ADAMTSL3: variants seen among roughly 807,000 people sequenced by gnomAD.
ADAMTSL3 encodes ADAMTS like 3.
In ADAMTSL3, 128 loss-of-function variants were observed where a neutral mutation model predicts 201.7. The ratio of observed to expected loss-of-function variants is 0.63; its 90% CI spans 0.55 to 0.73. ADAMTSL3 has a LOEUF of 0.73. Among genes scored for constraint, ADAMTSL3 ranks in the 30% least tolerant of loss-of-function variants. The pLI, the probability that ADAMTSL3 is intolerant of heterozygous loss-of-function variation, is 0.00. For synonymous variants in ADAMTSL3, 738 were observed against 748.4 expected, an observed-to-expected ratio of 0.99 and a Z score of 0.23; for missense variants, 1,990 against 2,119.6, an observed-to-expected ratio of 0.94 and a Z score of 1.20.
intron 3 of ADAMTSL3, among the ~76,000 whole-genome samples, chr15:83,714,824 T>C (rs1393488471): frequency 4.1e-5 from 4 of 98,278 alleles, no homozygotes; most frequent in Admixed American, 1.3e-4. Flanking sequence ...CTTTCTTTCC[T>C]TCTCTCTCTC....
chr15:83,820,830 T>G (rs2063851532), intron 6 of ADAMTSL3, among the ~76,000 whole-genome samples: 1 of 152,124 alleles, frequency 6.6e-6, no homozygotes, highest in Non-Finnish European at 1.5e-5. Context: ...ATCCCAGCAC[T>G]TTGGGAGGCC....
At chr15:83,794,639 G>C (rs1025380167) in intron 4 of ADAMTSL3, among the ~76,000 whole-genome samples, 1 of 151,558 alleles carries the variant, frequency 6.6e-6, no homozygotes, top group East Asian at 2.0e-4. Flanking sequence ...GTAGTTGCTA[G>C]GTGTTAAGGA....
chr15:83,987,601 C>T (rs2067502729), intron 21 of ADAMTSL3, among the ~76,000 whole-genome samples: 1 of 152,106 alleles, frequency 6.6e-6, no homozygotes, highest in Non-Finnish European at 1.5e-5. Context: ...ACATTTGATC[C>T]AGGACTCAGT....
At chr15:83,707,256 T>A (rs964691362) in intron 3 of ADAMTSL3, among the ~76,000 whole-genome samples, 9 of 152,234 alleles carry the variant, frequency 5.9e-5, no homozygotes, top group African/African-American at 1.2e-4. Context: ...CTACCTTATG[T>A]AGGCGTTAAT....
At chr15:83,784,126 G>A (rs2063221803) in intron 4 of ADAMTSL3, among the ~76,000 whole-genome samples, 1 of 152,124 alleles carries the variant, frequency 6.6e-6, no homozygotes, top group African/African-American at 2.4e-5. Flanking sequence ...TCCTTCATTT[G>A]GAGATAGTTT....
intron 15 of ADAMTSL3, among the ~76,000 whole-genome samples, chr15:83,904,619 C>T (rs977524448): frequency 3.3e-5 from 5 of 152,124 alleles, no homozygotes; most frequent in African/African-American, 1.2e-4. Flanking sequence ...AAATCTAAGC[C>T]AAGGGAACTG....
At chr15:83,777,773 T>C (rs528208800) in intron 4 of ADAMTSL3, among the ~76,000 whole-genome samples, 9 of 152,232 alleles carry the variant, frequency 5.9e-5, no homozygotes, top group Non-Finnish European at 8.8e-5. Context: ...CAGGTTGAGA[T>C]GGATGAAGTG....
chr15:83,751,510 C>G (rs2062636239), intron 3 of ADAMTSL3, among the ~76,000 whole-genome samples: 1 of 152,038 alleles, frequency 6.6e-6, no homozygotes, highest in African/African-American at 2.4e-5. Flanking sequence ...AGGTGCAACA[C>G]CAAATATAAA....
At chr15:83,800,798 A>T (rs2063503919) in intron 4 of ADAMTSL3, among the ~76,000 whole-genome samples, 1 of 152,172 alleles carries the variant, frequency 6.6e-6, no homozygotes, top group African/African-American at 2.4e-5. Flanking sequence ...CTTTTTGGTT[A>T]TCACTTCCCT....
chr15:83,704,021 C>G (rs2585048), intron 2 of ADAMTSL3, among the ~76,000 whole-genome samples: 4 of 144,128 alleles, frequency 2.8e-5, no homozygotes, highest in Non-Finnish European at 6.0e-5. Flanking sequence ...AAAAAAAACA[C>G]AAAAGGAAGA....
rs780189229 is a variant in ADAMTSL3, at chr15:84,008,462, G to A, written c.3974-6080G>A. 4.6e-5 allele frequency among the ~76,000 whole-genome samples: 7 copies of A among 152,090 alleles called. No individual in the cohort carries two copies. The South Asian group carries it at 6.2e-4, about 14-fold the overall frequency. On this transcript the variant is annotated intron_variant, in intron 23 of 29. Transcript: ENST00000286744. ...TACACTAGCATTGGACAGTTGCTAC[G>A]CCCTCCTTCTCTGCTTTGAGGAAAC...
chr15:83,983,124 A>G lies in ADAMTSL3; in HGVS notation c.3496A>G (p.Asn1166Asp). The G allele has an allele frequency of 6.2e-7, 1 of 1,614,008 alleles. No individual in the cohort carries two copies. The highest frequency in any genetic ancestry group is 8.5e-7 in the Non-Finnish European group (1 of 1,179,948). Residue 1166 changes from asparagine (N) to aspartate (D), a missense_variant, in exon 21 of 30, where the codon AAC becomes GAC. Coordinates refer to ENST00000286744, the MANE Select transcript of ADAMTSL3 (RefSeq NM_207517.3). ...GSVSQSSHAK[N>D]SGKLTFKPKG... ...TGTGTCCCAAAGCTCGCATGCAAAA[A>G]ACTCAGGCAAGCTGACATTCAAGCC... is the stretch of plus-strand genomic sequence containing the variant.
At chr15:83,927,955 T>C (rs1043475617) in intron 17 of ADAMTSL3, among the ~76,000 whole-genome samples, 9 of 151,094 alleles carry the variant, frequency 6.0e-5, no homozygotes, top group Non-Finnish European at 1.2e-4. Context: ...AAATTGTGAC[T>C]ACAATTTGGC....
chr15:83,797,451 A>G (rs2063444573), intron 4 of ADAMTSL3, among the ~76,000 whole-genome samples: 1 of 152,004 alleles, frequency 6.6e-6, no homozygotes, highest in Admixed American at 6.5e-5. Flanking sequence ...AAATACAAAA[A>G]TTAGCCTGGT....
At chr15:83,929,747 CACAG>C (rs902662748) in intron 17 of ADAMTSL3, among the ~76,000 whole-genome samples, 22 of 150,940 alleles carry the variant, frequency 1.5e-4, no homozygotes, top group Admixed American at 5.9e-4. Flanking sequence ...CACACACACA[CACAG>C]AGAGACAGAG....
At chr15:83,705,985 T>A (rs9788762) in intron 3 of ADAMTSL3, among the ~76,000 whole-genome samples, 2 of 152,148 alleles carry the variant, frequency 1.3e-5, no homozygotes, top group African/African-American at 4.8e-5. Flanking sequence ...TATATTTGCA[T>A]TGTAGAGCCC....
intron 16 of ADAMTSL3, among the ~76,000 whole-genome samples, chr15:83,920,526 T>C (rs1034708904): frequency 6.6e-6 from 1 of 152,232 alleles, no homozygotes; most frequent in Admixed American, 6.5e-5. Context: ...CTTCACTCTT[T>C]TTCATTACTC....
At chr15:83,674,308 G>A (rs1259869892) in intron 2 of ADAMTSL3, among the ~76,000 whole-genome samples, 1 of 151,874 alleles carries the variant, frequency 6.6e-6, no homozygotes, top group East Asian at 1.9e-4. Flanking sequence ...TATGGTGTGA[G>A]GTTAAGGTCA....
At chr15:84,031,220 G>A (rs1214108378) in intron 27 of ADAMTSL3, 115 bp from the exon 28 acceptor site, 1 of 973,824 alleles carries the variant, frequency 1.0e-6, no homozygotes, top group Non-Finnish European at 1.6e-6. Flanking sequence ...GGGGACAGTT[G>A]GTTACAGTCC....
Sources: allele counts gnomAD v4.1 joint callset (sites outside exome capture counted in the v4.1 genomes callset), GRCh38; gene constraint gnomAD v4.1.1; transcripts MANE v1.5; gene names NCBI Gene and HGNC (gene_info 2026-07-23, HGNC 2026-07-21).